MYO5A: variants seen among roughly 807,000 people sequenced by gnomAD.
MYO5A encodes myosin VA.
MYO5A carries 98 observed loss-of-function variants against 249.7 expected under a neutral mutation model. That is an observed-to-expected ratio of 0.39 (90% confidence interval 0.33 to 0.46). The LOEUF (loss-of-function observed/expected upper bound fraction) is 0.46, where lower values mean the gene tolerates loss of function less well. Ranked by LOEUF, MYO5A falls within the 20% of genes least tolerant of loss-of-function variation. The pLI, the probability that MYO5A is intolerant of heterozygous loss-of-function variation, is 0.98. For missense variants in MYO5A, 1,696 were observed against 2,308.8 expected, an observed-to-expected ratio of 0.73 and a Z score of 5.44; for synonymous variants, 778 against 810.6, an observed-to-expected ratio of 0.96 and a Z score of 0.68.
chr15:52,509,891 G>C (rs929591606), intron 1 of MYO5A, among the ~76,000 whole-genome samples: 2 of 146,474 alleles, frequency 1.4e-5, no homozygotes, highest in Non-Finnish European at 3.0e-5. Context: ...CTAATCTCTT[G>C]GAGAAAAAAA....
At chr15:52,440,405 T>C (rs536294726) in intron 1 of MYO5A, among the ~76,000 whole-genome samples, 1 of 152,170 alleles carries the variant, frequency 6.6e-6, no homozygotes, top group Non-Finnish European at 1.5e-5. Context: ...GTAGCCGAGA[T>C]TACAGGCATG....
chr15:52,446,432 G>A (rs1446680449), intron 1 of MYO5A, among the ~76,000 whole-genome samples: 1 of 152,280 alleles, frequency 6.6e-6, no homozygotes, highest in Non-Finnish European at 1.5e-5. Flanking sequence ...TTCAGAGGAT[G>A]TATGAGAAAG....
At chr15:52,480,183 T>C (rs1046101654) in intron 1 of MYO5A, among the ~76,000 whole-genome samples, 2 of 152,206 alleles carry the variant, frequency 1.3e-5, no homozygotes, top group Admixed American at 6.5e-5. Flanking sequence ...ACTTGATTTT[T>C]CATATGTGAA....
In MYO5A at chr15:52,405,357, A is replaced by G. The variant is rs781250248; in HGVS notation, c.983T>C (p.Ile328Thr). The change falls in exon 9 of 42, where the codon ATA becomes ACA. Residue 328 changes from isoleucine (I) to threonine (T), a missense_variant. Ile to Thr is a moderately conservative substitution (Grantham distance 89, BLOSUM62 -1). Around this residue, in one of 5 missense-constraint regions of MYO5A, gnomAD observed 185 missense variants for 204.8 expected, o/e 0.90. Transcript: ENST00000399233. ...SESHQMGIFR[I>T]LAGILHLGNV... ...GCCTAAGTGAAGGATGCCAGCAAGT[A>G]TTCGGAAAATTCCCATTTGATGAGA... The G allele has an allele frequency of 1.2e-6, 2 of 1,613,750 alleles. No homozygotes were observed. Among genetic ancestry groups the G allele is most frequent in the East Asian group, 2.2e-5 (1 of 44,856 alleles).
intron 39 of MYO5A, among the ~76,000 whole-genome samples, chr15:52,318,168 A>C (rs551098789): frequency 1.3e-4 from 20 of 152,268 alleles, no homozygotes; most frequent in African/African-American, 3.9e-4. Context: ...AAAATAAAAA[A>C]TTTGTGGCCC....
Position 52,317,182 on chromosome 15 carries a change from T to G in MYO5A, c.5275A>C (p.Asn1759His), listed in dbSNP as rs774706007. 2 of 1,614,154 alleles carry G rather than the reference T, an allele frequency of 1.2e-6. No individual in the cohort carries two copies. The highest frequency in any genetic ancestry group is 1.7e-5 in the Admixed American group (1 of 60,022). ...SQLEEWLRDK[N>H]LMNSGAKETL... is the part of the protein sequence containing the mutation. ...TCTTTAGCCCCACTATTCATCAGAT[T>G]CTTGTCACGCAGCCATTCTTCCAGT... Residue 1759 changes from asparagine (N) to histidine (H), a missense_variant, in exon 40 of 42, where the codon AAT becomes CAT. Coordinates refer to ENST00000399233, the MANE Select transcript of MYO5A (RefSeq NM_001382347.1).
intron 1 of MYO5A, among the ~76,000 whole-genome samples, chr15:52,444,240 C>T (rs1163009413): frequency 6.6e-6 from 1 of 152,084 alleles, no homozygotes; most frequent in African/African-American, 2.4e-5. Context: ...TTCTTAAGAA[C>T]AGTGTTAATA....
intron 1 of MYO5A, among the ~76,000 whole-genome samples, chr15:52,482,149 T>C (rs2076727743): frequency 6.6e-6 from 1 of 152,184 alleles, no homozygotes; most frequent in Admixed American, 6.5e-5. Flanking sequence ...CGGAGAAAGA[T>C]GAAAGAGGCA....
At chr15:52,461,204 C>T (rs2076241587) in intron 1 of MYO5A, among the ~76,000 whole-genome samples, 1 of 152,196 alleles carries the variant, frequency 6.6e-6, no homozygotes, top group Non-Finnish European at 1.5e-5. Context: ...CCTCCTACTT[C>T]AGCCTCCCAA....
At chr15:52,412,428 C>A (rs567560423) in intron 5 of MYO5A, among the ~76,000 whole-genome samples, 2 of 152,300 alleles carry the variant, frequency 1.3e-5, no homozygotes, top group South Asian at 2.1e-4. Flanking sequence ...GTAAAAAGAA[C>A]AAATGAATTA....
chr15:52,430,686 A>T (rs1210790167), intron 2 of MYO5A, among the ~76,000 whole-genome samples: 4 of 152,130 alleles, frequency 2.6e-5, no homozygotes, highest in African/African-American at 4.8e-5. Context: ...CTAGATTTTT[A>T]AAAAATACTA....
At chr15:52,403,356 T>C (rs1245129988) in intron 9 of MYO5A, among the ~76,000 whole-genome samples, 3 of 152,172 alleles carry the variant, frequency 2.0e-5, no homozygotes, top group Non-Finnish European at 4.4e-5. Flanking sequence ...AAATATGGTA[T>C]CTCCATATAA....
intron 30 of MYO5A, among the ~76,000 whole-genome samples, chr15:52,344,180 C>G (rs1485853582): frequency 6.6e-6 from 1 of 152,182 alleles, no homozygotes; most frequent in African/African-American, 2.4e-5. Context: ...GTTCATATCT[C>G]TCTAGAGAAT....
At chr15:52,435,416 AT>A (rs2075641140) in intron 1 of MYO5A, among the ~76,000 whole-genome samples, 1 of 152,128 alleles carries the variant, frequency 6.6e-6, no homozygotes, top group African/African-American at 2.4e-5. Flanking sequence ...AGCTGGGACT[AT>A]AGGCACATGC....
chr15:52,359,311 T>A (rs1253034540), intron 25 of MYO5A, among the ~76,000 whole-genome samples: 1 of 152,192 alleles, frequency 6.6e-6, no homozygotes, highest in Admixed American at 6.5e-5. Flanking sequence ...TGAAACTATA[T>A]CATATTTTAA....
chr15:52,390,748 C>T (rs531016384), intron 12 of MYO5A, among the ~76,000 whole-genome samples: 2 of 151,754 alleles, frequency 1.3e-5, no homozygotes, highest in Admixed American at 1.3e-4. Flanking sequence ...TTTTTGTAGA[C>T]GGGGTTTCAC....
chr15:52,458,554 A>G (rs2076166811), intron 1 of MYO5A, among the ~76,000 whole-genome samples: 1 of 152,140 alleles, frequency 6.6e-6, no homozygotes, highest in Non-Finnish European at 1.5e-5. Context: ...CAGGAAGTCA[A>G]GGCTGCAGTG....
chr15:52,410,043 G>C (rs2043182540), intron 6 of MYO5A, among the ~76,000 whole-genome samples: 2 of 152,122 alleles, frequency 1.3e-5, no homozygotes, highest in Non-Finnish European at 2.9e-5. Flanking sequence ...GGAAATATGA[G>C]AGACAAGACT....
chr15:52,501,347 C>A (rs917226786), intron 1 of MYO5A, among the ~76,000 whole-genome samples: 13 of 152,156 alleles, frequency 8.5e-5, no homozygotes, highest in Admixed American at 6.5e-4. Context: ...TGCCTGTTAT[C>A]CCACCATTTT....
Sources: gnomAD v4.1 joint callset for allele counts (sites outside exome capture counted in the v4.1 genomes callset) on GRCh38, gnomAD v4.1.1 for gene constraint, gnomAD v4.1.1 regional missense constraint, MANE v1.5 for transcripts, NCBI Gene and HGNC (gene_info 2026-07-23, HGNC 2026-07-21) for gene names.